The following APOBEC3F variants were observed in gnomAD, a reference collection of about 807,000 sequenced individuals.
The protein encoded by APOBEC3F is apolipoprotein B mRNA editing enzyme catalytic subunit 3F, also known as DNA dC->dU-editing enzyme APOBEC-3F.
In APOBEC3F, 34 loss-of-function variants were observed where a neutral mutation model predicts 45.8. The observed-to-expected ratio is 0.74, with a 90% CI of 0.57 to 0.99. The LOEUF is 0.99. Among genes scored for constraint, APOBEC3F ranks in the 50% least tolerant of loss-of-function variants. APOBEC3F has a pLI of 0.00. For synonymous variants in APOBEC3F, 192 were observed against 174.4 expected (o/e 1.10, Z -0.80); for missense variants, 459 against 474.1 (o/e 0.97, Z 0.30).
At chr22:39,041,036 C>T (rs1251037082) in intron 1 of APOBEC3F, 59 bp downstream of exon 1, 8 of 1,560,356 alleles carry the variant, frequency 5.1e-6, no homozygotes, top group Non-Finnish European at 6.1e-6. Flanking sequence ...CCTGGTGGCT[C>T]TGCTGGGCGT....
chr22:39,044,624 C>A (rs1227556651), intron 2 of APOBEC3F, among the ~76,000 whole-genome samples: 2 of 152,102 alleles, frequency 1.3e-5, no homozygotes. Context: ...GCCCCCCCAG[C>A]TAGAGGGCAA....
At chr22:39,050,164 C>T (rs1347102746) in intron 5 of APOBEC3F, among the ~76,000 whole-genome samples, 72 of 151,480 alleles carry the variant, frequency 4.8e-4, no homozygotes, top group African/African-American at 1.6e-3. Context: ...GCTGTGCGTC[C>T]GGCAGTCCTC....
intron 3 of APOBEC3F, 34 bp from the exon 4 acceptor site, chr22:39,045,394 C>T (rs564841819): frequency 6.2e-7 from 1 of 1,613,786 alleles, no homozygotes; most frequent in East Asian, 2.2e-5. Flanking sequence ...AGGGTCAGGG[C>T]AGAGCCTGAC....
At chr22:39,045,993 C>A (rs1927197545) in intron 4 of APOBEC3F, among the ~76,000 whole-genome samples, 1 of 151,808 alleles carries the variant, frequency 6.6e-6, no homozygotes, top group East Asian at 1.9e-4. Context: ...TAGAAGATGC[C>A]CCCGGGCCGG....
In APOBEC3F at chr22:39,040,866, T is replaced by C. The variant is rs1243866239; in HGVS notation, c.-95T>C. 4 of 1,550,210 alleles carry C rather than the reference T, an allele frequency of 2.6e-6. No individual in the cohort carries two copies. On this transcript the variant is annotated 5_prime_UTR_variant, in exon 1 of 7. Transcript: ENST00000308521. ...TGACTACGAGGCCCTGGGAGGTCAC[T>C]TTAGGGAGGGCTGTCCTGAAACCTG...
In APOBEC3F at chr22:39,048,304, C is replaced by G. The variant is rs6001401; in HGVS notation, c.567-1121C>G. 9.6e-3 allele frequency among the ~76,000 whole-genome samples: 1,466 copies of G among 152,206 alleles called. 23 individuals are homozygous for G. The highest frequency in any genetic ancestry group is 0.033 in the African/African-American group (1,358 of 41,512). On this transcript the variant is annotated intron_variant, in intron 4 of 6. Transcript: ENST00000308521. ...CCGCCTCTCTGTGCCTCTGGCACCT[C>G]GTCTGTAAAATAGTGATGGCCCCCT... is the stretch of plus-strand genomic sequence containing the variant.
rs375927621 is a variant in APOBEC3F at position 39,048,323 on chromosome 22, G to T, written c.567-1102G>T. 3.9e-5 allele frequency among the ~76,000 whole-genome samples: 6 copies of T among 152,236 alleles called. No homozygotes were observed. In the East Asian group the frequency reaches 9.6e-4, roughly 24 times the overall value. On this transcript the variant is annotated intron_variant, in intron 4 of 6. Transcript: ENST00000308521. ...GCACCTCGTCTGTAAAATAGTGATG[G>T]CCCCCTGCAGGCCTCAGGCACATAC...
In APOBEC3F at chr22:39,054,261, T is replaced by G. The variant is rs1288298561; in HGVS notation, c.*1566T>G. Among the ~76,000 whole-genome samples, 1 of 152,130 alleles carries G rather than the reference T, an allele frequency of 6.6e-6. No individual in the cohort carries two copies. Among genetic ancestry groups the G allele is most frequent in the Non-Finnish European group, 1.5e-5 (1 of 68,010 alleles). On this transcript the variant is annotated 3_prime_UTR_variant, in exon 7 of 7. Transcript: ENST00000308521. ...TTATTTTATTTTTTGAGATGGAGTC[T>G]TGCTCTGTTGCCCAGGCTGGGGTGC... is the stretch of plus-strand genomic sequence containing the variant.
At chr22:39,045,652 C>G in intron 4 of APOBEC3F, 110 bp downstream of exon 4, 1 of 1,564,000 alleles carries the variant, frequency 6.4e-7, no homozygotes, top group South Asian at 1.2e-5. Context: ...CCCTGCCTGC[C>G]CTCATGGTTA....
intron 4 of APOBEC3F, among the ~76,000 whole-genome samples, chr22:39,047,527 T>G (rs1927281571): frequency 6.6e-6 from 1 of 152,194 alleles, no homozygotes. Context: ...CTGCCCGCTC[T>G]GCCCACGGGG....
At chr22:39,049,608 C>A in intron 5 of APOBEC3F, 27 bp downstream of exon 5, 1 of 1,611,674 alleles carries the variant, frequency 6.2e-7, no homozygotes, top group South Asian at 1.1e-5. Flanking sequence ...ATTTACACCC[C>A]AAATAGGAGC....
At position 39,040,955 on chromosome 22, in the gene APOBEC3F, C is replaced by T. The variant is rs1874249687; in HGVS notation, c.-6C>T. 1.3e-6 allele frequency: 2 copies of T among 1,579,506 alleles called. No homozygotes were observed. The highest frequency in any genetic ancestry group is 1.7e-6 in the Non-Finnish European group (2 of 1,162,298). ...AAAGATCTTAGTCGGGACTAGCCGG[C>T]CAAGGATGAAGCCTCACTTCAGGTA... On this transcript the variant is annotated 5_prime_UTR_variant, in exon 1 of 7. Transcript: ENST00000308521.
intron 1 of APOBEC3F, among the ~76,000 whole-genome samples, chr22:39,042,484 A>G (rs1310552773): frequency 6.6e-6 from 1 of 151,730 alleles, no homozygotes; most frequent in Non-Finnish European, 1.5e-5. Flanking sequence ...GCTAATTTTT[A>G]TATTTTTAGT....
At chr22:39,043,132 C>T in intron 2 of APOBEC3F, 42 bp downstream of exon 2, 1 of 1,609,328 alleles carries the variant, frequency 6.2e-7, no homozygotes, top group South Asian at 1.1e-5. Flanking sequence ...AGGAGCTAAG[C>T]CAGCTGGGAA....
intron 2 of APOBEC3F, among the ~76,000 whole-genome samples, chr22:39,043,574 T>C (rs973703254): frequency 4.7e-5 from 7 of 150,232 alleles, no homozygotes; most frequent in Non-Finnish European, 8.9e-5. Flanking sequence ...CCTCCCAAAG[T>C]GTTGGGATTA....
rs1346750887 is a variant in APOBEC3F at position 39,052,465 on chromosome 22, C to G, written c.1003+112C>G. ...TGTCCCGGGAAGCCTGCAGGGATGG[C>G]GCCAGTGTCCACTGCAACTGGCAGT... On this transcript the variant is annotated intron_variant, in intron 6 of 6. Coordinates refer to ENST00000308521, the MANE Select transcript of APOBEC3F (RefSeq NM_145298.6). 7.6e-6 allele frequency: 12 copies of G among 1,570,576 alleles called. No homozygotes were observed. In the Admixed American group the frequency reaches 8.9e-5, roughly 12 times the overall value.
intron 1 of APOBEC3F, among the ~76,000 whole-genome samples, chr22:39,041,616 C>T (rs1294052535): frequency 3.3e-5 from 5 of 152,090 alleles, no homozygotes; most frequent in Admixed American, 3.3e-4. Context: ...GTCATCCCAG[C>T]ACTTTGGTAG....
chr22:39,046,779 C>T (rs529322085), intron 4 of APOBEC3F, among the ~76,000 whole-genome samples: 1 of 152,144 alleles, frequency 6.6e-6, no homozygotes, highest in African/African-American at 2.4e-5. Flanking sequence ...ACCACACTGG[C>T]TAATTTTTGT....
Position 39,052,127 on chromosome 22 carries a change from T to C in APOBEC3F, c.777T>C (p.Cys259=), listed in dbSNP as rs767726576. Residue 259 remains cysteine, a synonymous_variant, in exon 6 of 7, where the codon TGT becomes TGC. Coordinates refer to ENST00000308521, the MANE Select transcript of APOBEC3F (RefSeq NM_145298.6). ...AAAGGTGCTTCCTCTCTTGGTTCTG[T>C]GACGACATACTGTCTCCTAACACAA... ...HAERCFLSWF[C]DDILSPNTNY... 12 of 1,613,436 alleles carry C rather than the reference T, an allele frequency of 7.4e-6. No homozygotes were observed. Among genetic ancestry groups the C allele is most frequent in the Middle Eastern group, 1.6e-4 (1 of 6,074 alleles).
Sources: gnomAD v4.1 joint callset for allele counts (sites outside exome capture counted in the v4.1 genomes callset) on GRCh38, gnomAD v4.1.1 for gene constraint, MANE v1.5 for transcripts, NCBI Gene and HGNC (gene_info 2026-07-23, HGNC 2026-07-21) for gene names.